The following ZNF365 variants were observed in gnomAD, a reference collection of about 807,000 sequenced individuals.
The protein encoded by ZNF365 is protein ZNF365.
ZNF365 carries 22 observed loss-of-function variants against 35.0 expected under a neutral mutation model. That is an observed-to-expected ratio of 0.63 (90% confidence interval 0.45 to 0.90). The LOEUF is 0.90. ZNF365 is among the 40% of genes least tolerant of loss of function. The pLI is 0.00. For missense variants in ZNF365, 448 were observed against 500.3 expected (o/e 0.90, Z 1.00); for synonymous variants, 188 against 196.2 (o/e 0.96, Z 0.35).
intron 3 of ZNF365, among the ~76,000 whole-genome samples, chr10:62,448,550 T>G (rs1210899953): frequency 4.0e-5 from 6 of 151,648 alleles, no homozygotes; most frequent in Non-Finnish European, 4.4e-5. Flanking sequence ...TGATTTGGAG[T>G]GTTTTTTTAC....
At chr10:62,383,216 A>G (rs964210975) in intron 2 of ZNF365, among the ~76,000 whole-genome samples, 4 of 152,224 alleles carry the variant, frequency 2.6e-5, no homozygotes, top group Non-Finnish European at 5.9e-5. Flanking sequence ...TACAGGGGGT[A>G]CTTGCAGACA....
intron 4 of ZNF365, among the ~76,000 whole-genome samples, chr10:62,463,202 T>TCTCAAA (rs1840876600): frequency 2.0e-5 from 3 of 152,210 alleles, no homozygotes; most frequent in Non-Finnish European, 4.4e-5. Flanking sequence ...AGCTAGAAAC[T>TCTCAAA]GTGGGGCAGG....
At chr10:62,437,743 GCTT>G (rs1280226363) in intron 3 of ZNF365, among the ~76,000 whole-genome samples, 1 of 152,102 alleles carries the variant, frequency 6.6e-6, no homozygotes, top group African/African-American at 2.4e-5. Context: ...AAATCTCCTG[GCTT>G]CTTTTCCTTC....
intron 3 of ZNF365, 73 bp downstream of exon 3, chr10:62,388,649 A>T: frequency 6.4e-7 from 1 of 1,554,212 alleles, no homozygotes; most frequent in Non-Finnish European, 8.7e-7. Context: ...GACAGAGAAA[A>T]GGGAGCTGGG....
downstream of ZNF365, among the ~76,000 whole-genome samples, chr10:62,405,677 G>C (rs769821821): frequency 6.6e-6 from 1 of 152,182 alleles, no homozygotes; most frequent in African/African-American, 2.4e-5. Flanking sequence ...TAGAGATGAG[G>C]ACCCCAACTT....
At chr10:62,442,620 G>T (rs1840519958) in intron 3 of ZNF365, among the ~76,000 whole-genome samples, 1 of 152,066 alleles carries the variant, frequency 6.6e-6, no homozygotes, top group Non-Finnish European at 1.5e-5. Context: ...TAATCCTCCT[G>T]GCCTTCTTCC....
intron 3 of ZNF365, 80 bp from the exon 4 acceptor site, chr10:62,398,660 A>T: frequency 7.3e-7 from 1 of 1,371,770 alleles, no homozygotes. Context: ...TGCAGTTTTT[A>T]GAAAGTATAA....
At chr10:62,374,644 C>T (rs1338131891) in intron 1 of ZNF365, among the ~76,000 whole-genome samples, 186 bp downstream of exon 1, 1 of 152,140 alleles carries the variant, frequency 6.6e-6, no homozygotes, top group Non-Finnish European at 1.5e-5. Context: ...TGGGCTGGCA[C>T]GCAGCGGAGA....
chr10:62,431,076 C>A (rs568154458), intron 3 of ZNF365, among the ~76,000 whole-genome samples: 15 of 152,318 alleles, frequency 9.8e-5, no homozygotes, highest in African/African-American at 3.4e-4. Flanking sequence ...AAGTCAAATG[C>A]TTCACCATCT....
intron 3 of ZNF365, among the ~76,000 whole-genome samples, chr10:62,436,165 G>A (rs1172196213): frequency 6.6e-6 from 1 of 152,054 alleles, no homozygotes; most frequent in Non-Finnish European, 1.5e-5. Context: ...ACCATCTAAT[G>A]TATTATAAAA....
chr10:62,452,876 G>A (rs1375005916), intron 3 of ZNF365, among the ~76,000 whole-genome samples: 1 of 152,226 alleles, frequency 6.6e-6, no homozygotes, highest in East Asian at 1.9e-4. Context: ...GCAGGCCCAA[G>A]GTCCCTTGAA....
intron 3 of ZNF365, among the ~76,000 whole-genome samples, chr10:62,428,397 G>A (rs139095974): frequency 5.8e-4 from 89 of 152,254 alleles, no homozygotes; most frequent in Non-Finnish European, 1.0e-3. Context: ...CTATTCTCAT[G>A]ATAGTGAGTG....
rs1441410864 is a variant in ZNF365 at position 62,383,834 on chromosome 10, G to A, written c.744-4562G>A. ...ATTTTTCAGACCATATGGTCATCCT[G>A]TAAATTAATGAACGCATGTGTGAAT... On this transcript the variant is annotated intron_variant, in intron 2 of 4. Transcript: ENST00000395254. Among the ~76,000 whole-genome samples the A allele has an allele frequency of 2.6e-5, 4 of 152,294 alleles. No homozygotes were observed. The East Asian group carries it at 7.7e-4, about 29-fold the overall frequency.
At position 62,461,244 on chromosome 10, in the gene ZNF365, G is replaced by A. The variant is rs144066471; in HGVS notation, c.981+1447G>A. On this transcript the variant is annotated intron_variant, in intron 4 of 4. Coordinates refer to the ZNF365 transcript ENST00000395255. ...TTAAAGGGCAGTTTAATCAGCTTTCGCAGGGCGTTCTATCACACGTGGGCC... is the reference window on the plus strand; with the variant it reads ...TTAAAGGGCAGTTTAATCAGCTTTCACAGGGCGTTCTATCACACGTGGGCC... Among the ~76,000 whole-genome samples, 233 of 152,302 alleles carry A rather than the reference G, an allele frequency of 1.5e-3. 1 individual carries two copies. Among genetic ancestry groups the A allele is most frequent in the African/African-American group, 5.4e-3 (224 of 41,570 alleles).
At chr10:62,421,603 C>A (rs76635596) in intron 3 of ZNF365, among the ~76,000 whole-genome samples, 1 of 152,166 alleles carries the variant, frequency 6.6e-6, no homozygotes, top group Non-Finnish European at 1.5e-5. Flanking sequence ...GACAGCCTCC[C>A]GACATTGGCA....
In ZNF365 at chr10:62,439,386, C is replaced by CA. The variant is rs76672246; in HGVS notation, c.925-20340dup. On this transcript the variant is annotated intron_variant, in intron 3 of 4. Transcript: ENST00000395255. ...AATTTTATGATTATTTCAACTCTAGCAAAAAAAAAAAAAAATGTTGACTCA... is the reference window on the plus strand; with the variant it reads ...AATTTTATGATTATTTCAACTCTAGCAAAAAAAAAAAAAAAATGTTGACTCA... 7.8e-3 allele frequency among the ~76,000 whole-genome samples: 1,123 copies of CA among 144,578 alleles called. 5 individuals carry two copies. Among genetic ancestry groups the CA allele is most frequent in the Middle Eastern group, 0.021 (6 of 282 alleles). 94.8% of individuals were successfully genotyped at this position (144,578 alleles called of 152,430 possible).
chr10:62,414,001 A>T (rs977079151), intron 3 of ZNF365, among the ~76,000 whole-genome samples: 5 of 152,202 alleles, frequency 3.3e-5, no homozygotes, highest in Admixed American at 2.6e-4. Flanking sequence ...TAGATTCAGG[A>T]TTACCAGCAA....
intron 4 of ZNF365, among the ~76,000 whole-genome samples, chr10:62,461,702 G>A (rs1320801242): frequency 6.6e-6 from 1 of 151,994 alleles, no homozygotes; most frequent in African/African-American, 2.4e-5. Context: ...TGACAATCGC[G>A]GACTTCAATG....
intron 4 of ZNF365, among the ~76,000 whole-genome samples, chr10:62,468,061 G>A (rs1477292064): frequency 6.6e-6 from 1 of 152,132 alleles, no homozygotes. Flanking sequence ...ACATTTTTAT[G>A]TGAAGAAATT....
Sources: allele counts gnomAD v4.1 joint callset (sites outside exome capture counted in the v4.1 genomes callset), GRCh38; gene constraint gnomAD v4.1.1; transcripts MANE v1.5; gene names NCBI Gene and HGNC (gene_info 2026-07-23, HGNC 2026-07-21).